The following CYTH1 variants were observed in gnomAD, a reference collection of about 807,000 sequenced individuals.
CYTH1 encodes the protein cytohesin 1, also known as cytohesin-1.
CYTH1 carries 18 observed loss-of-function variants against 61.8 expected under a neutral mutation model. The ratio of observed to expected loss-of-function variants is 0.29; its 90% CI spans 0.20 to 0.43. The LOEUF (loss-of-function observed/expected upper bound fraction) is 0.43. CYTH1 is among the 20% of genes least tolerant of loss of function. The pLI, the probability that CYTH1 is intolerant of heterozygous loss-of-function variation, is 1.00. For synonymous variants in CYTH1, 174 were observed against 184.3 expected (o/e 0.94, Z 0.45); for missense variants, 336 against 510.5 (o/e 0.66, Z 3.29).
intron 1 of CYTH1, 45 bp from the exon 2 acceptor site, chr17:78,709,777 C>CA (rs2093109093): frequency 6.3e-7 from 1 of 1,584,914 alleles, no homozygotes; most frequent in Admixed American, 1.7e-5. Flanking sequence ...TTTATCTCGC[C>CA]AAAAATCAAG....
intron 11 of CYTH1, among the ~76,000 whole-genome samples, chr17:78,689,456 C>T (rs1052885980): frequency 2.0e-5 from 3 of 152,156 alleles, no homozygotes; most frequent in Non-Finnish European, 4.4e-5. Context: ...CAATAGGGTT[C>T]GTGCTCCTAT....
chr17:78,688,543 G>A (rs140360468), intron 11 of CYTH1, among the ~76,000 whole-genome samples: 181 of 152,276 alleles, frequency 1.2e-3, no homozygotes, highest in Middle Eastern at 6.8e-3. Context: ...TCCTAAAAGC[G>A]CATGACAAAT....
rs1287068647 is a variant in CYTH1 at position 78,760,537 on chromosome 17, ATATATATG to A, written c.22+21657_22+21664del. ...TATATGTATATATATATATACATAC[ATATATATG>A]TATATATATATGTATATATATATAC... On this transcript the variant is annotated intron_variant, in intron 1 of 13. Transcript: ENST00000446868. Among the ~76,000 whole-genome samples the A allele has an allele frequency of 6.8e-5, 3 of 44,192 alleles. 1 individual carries two copies. In the East Asian group the frequency reaches 1.5e-3, roughly 22 times the overall value. 29.0% of individuals were successfully genotyped at this position (44,192 alleles called of 152,430 possible). A position where few individuals can be genotyped will look rare whatever the true frequency, so the allele number is the denominator to read the frequency against.
At chr17:78,741,200 T>C (rs1363295700) in intron 1 of CYTH1, among the ~76,000 whole-genome samples, 1 of 152,064 alleles carries the variant, frequency 6.6e-6, no homozygotes, top group African/African-American at 2.4e-5. Flanking sequence ...CCTCCAGCAA[T>C]AGATTAGGTG....
intron 1 of CYTH1, among the ~76,000 whole-genome samples, chr17:78,766,237 A>T (rs2093448292): frequency 6.6e-6 from 1 of 152,176 alleles, no homozygotes; most frequent in Non-Finnish European, 1.5e-5. Flanking sequence ...CTCACTGTTA[A>T]ATGAGTTCTT....
intron 1 of CYTH1, among the ~76,000 whole-genome samples, chr17:78,728,541 T>C (rs1422348858): frequency 6.7e-6 from 1 of 148,534 alleles, no homozygotes; most frequent in Non-Finnish European, 1.5e-5. Flanking sequence ...AGAGCGAAAC[T>C]CCATCTCAAA....
At chr17:78,692,104 T>C (rs1353866057) in intron 11 of CYTH1, 4 of 286,744 alleles carry the variant, frequency 1.4e-5, no homozygotes, top group Non-Finnish European at 2.6e-5. Context: ...CGGCAACCAA[T>C]GCAAATTCAT....
intron 1 of CYTH1, among the ~76,000 whole-genome samples, chr17:78,714,738 C>T (rs2093166828): frequency 1.3e-5 from 2 of 152,110 alleles, no homozygotes; most frequent in Non-Finnish European, 2.9e-5. Flanking sequence ...ACAGAGCTTC[C>T]GCTTAACATG....
In CYTH1 at chr17:78,760,452, T is replaced by C. The variant is rs1321676082; in HGVS notation, c.22+21750A>G. Among the ~76,000 whole-genome samples, 4 of 54,568 alleles carry C rather than the reference T, an allele frequency of 7.3e-5. 1 individual carries two copies. Among genetic ancestry groups the C allele is most frequent in the Admixed American group, 2.0e-4 (1 of 4,882 alleles). 35.8% of individuals were successfully genotyped at this position (54,568 alleles called of 152,430 possible). On this transcript the variant is annotated intron_variant, in intron 1 of 13. Transcript: ENST00000446868. ...ACATACATATATATATGTATATATA[T>C]ATACATACATATATATATGTATATA...
intron 1 of CYTH1, among the ~76,000 whole-genome samples, chr17:78,734,593 C>T (rs1203966576): frequency 6.6e-6 from 1 of 151,756 alleles, no homozygotes; most frequent in South Asian, 2.1e-4. Flanking sequence ...GCTCCTGCCA[C>T]CACACCCGGC....
rs569089087 is a variant in CYTH1 at position 78,717,541 on chromosome 17, AG to A, written c.23-7810del. Among the ~76,000 whole-genome samples, 8 of 152,324 alleles carry A rather than the reference AG, an allele frequency of 5.3e-5. No individual in the cohort carries two copies. In the South Asian group the frequency reaches 1.7e-3, roughly 32 times the overall value. ...ATTTTAACAGTCGGCAGAAACCCAGAGCTGAAATGGGTTCCAGCCAGTGGCA... is the reference window on the plus strand; with the variant it reads ...ATTTTAACAGTCGGCAGAAACCCAGACTGAAATGGGTTCCAGCCAGTGGCA... On this transcript the variant is annotated intron_variant, in intron 1 of 13. Coordinates refer to ENST00000446868, the MANE Select transcript of CYTH1 (RefSeq NM_004762.6). This position sits in a 1 kb window ranked among gnomAD's most constrained non-coding sequence, Gnocchi z 4.4.
intron 10 of CYTH1, among the ~76,000 whole-genome samples, chr17:78,694,750 A>G (rs1301525406): frequency 2.0e-5 from 3 of 152,212 alleles, no homozygotes; most frequent in African/African-American, 2.4e-5. Context: ...AACAAGATGG[A>G]AAGAAATCAA....
intron 13 of CYTH1, chr17:78,678,123 G>C (rs2092720237): frequency 6.6e-6 from 1 of 152,320 alleles, no homozygotes; most frequent in South Asian, 2.1e-4. Flanking sequence ...GAGCAGAGGA[G>C]TCCAGCAAGC....
intron 7 of CYTH1, 147 bp from the exon 8 acceptor site, chr17:78,699,115 C>T: frequency 2.1e-6 from 2 of 964,956 alleles, no homozygotes; most frequent in Non-Finnish European, 1.5e-6. Flanking sequence ...ACCTGTAATC[C>T]CTGCACTTTG....
At chr17:78,707,546 T>TA (rs1801053363) in intron 3 of CYTH1, among the ~76,000 whole-genome samples, 1 of 152,194 alleles carries the variant, frequency 6.6e-6, no homozygotes, top group African/African-American at 2.4e-5. Flanking sequence ...CAGCATTCAT[T>TA]AAGCTTTTCC....
At chr17:78,682,942 C>A (rs1026953811) in intron 11 of CYTH1, among the ~76,000 whole-genome samples, 1 of 152,168 alleles carries the variant, frequency 6.6e-6, no homozygotes, top group Non-Finnish European at 1.5e-5. Context: ...TCAAGGGTTA[C>A]CCCCTCTTTG....
chr17:78,724,680 A>G (rs1191926841), intron 1 of CYTH1, among the ~76,000 whole-genome samples: 1 of 152,206 alleles, frequency 6.6e-6, no homozygotes, highest in Non-Finnish European at 1.5e-5. Context: ...AGGGGGTGGA[A>G]ATCCTAAAAA....
chr17:78,697,279 A>G lies in CYTH1; in HGVS notation c.811+990T>C, dbSNP rs149199454. 2.8e-4 allele frequency among the ~76,000 whole-genome samples: 43 copies of G among 151,468 alleles called. 1 individual carries two copies. In the East Asian group the frequency reaches 7.2e-3, roughly 25 times the overall value. ...TGCTAATGTGAGAACCCAACTCATCAAAGGCTAAAGCAGAAGGCAACAGAG... is the reference window on the plus strand; with the variant it reads ...TGCTAATGTGAGAACCCAACTCATCGAAGGCTAAAGCAGAAGGCAACAGAG... On this transcript the variant is annotated intron_variant, in intron 9 of 13. Transcript: ENST00000446868.
At chr17:78,701,616 G>T in intron 6 of CYTH1, 55 bp downstream of exon 6, 1 of 1,522,954 alleles carries the variant, frequency 6.6e-7, no homozygotes, top group South Asian at 1.1e-5. Context: ...ACAGACTCAT[G>T]ATCAAAGGCT....
Sources: allele counts gnomAD v4.1 joint callset (sites outside exome capture counted in the v4.1 genomes callset), GRCh38; gene constraint gnomAD v4.1.1; non-coding constraint Gnocchi (gnomAD v3.1); transcripts MANE v1.5; gene names NCBI Gene and HGNC (gene_info 2026-07-23, HGNC 2026-07-21).